Variants in CEP128 observed in about 807,000 individuals in gnomAD.
The protein encoded by CEP128 is centrosomal protein 128kDa.
Under a neutral mutation model 156.7 loss-of-function variants are expected in CEP128, and 132 were observed. That is an observed-to-expected ratio of 0.84 (90% CI 0.73 to 0.97). CEP128 has a LOEUF of 0.97. Among genes scored for constraint, CEP128 ranks in the 50% least tolerant of loss-of-function variants. The probability of loss-of-function intolerance (pLI) is 0.00; values close to 1 mark genes in which losing one functional copy is unlikely to be tolerated. For missense variants in CEP128, 1,252 were observed against 1,281.9 expected (o/e 0.98, Z 0.36); for synonymous variants, 469 against 448.9 (o/e 1.04, Z -0.57).
chr14:80,856,331 C>T (rs1050923296), intron 9 of CEP128, among the ~76,000 whole-genome samples: 9 of 152,086 alleles, frequency 5.9e-5, no homozygotes, highest in African/African-American at 1.9e-4. Flanking sequence ...GGAGAAACTA[C>T]TGACTTAATA....
intron 2 of CEP128, among the ~76,000 whole-genome samples, chr14:80,956,777 G>A (rs976169911): frequency 6.6e-6 from 1 of 152,150 alleles, no homozygotes; most frequent in African/African-American, 2.4e-5. Context: ...AGCTCATGAA[G>A]ACTATTTAAC....
chr14:80,568,864 G>A (rs775045352), intron 20 of CEP128, among the ~76,000 whole-genome samples: 3 of 152,090 alleles, frequency 2.0e-5, no homozygotes, highest in Non-Finnish European at 4.4e-5. Context: ...CATGAAGGCT[G>A]ACTTATCCTA....
intron 20 of CEP128, among the ~76,000 whole-genome samples, chr14:80,568,062 G>C (rs766924766): frequency 2.6e-5 from 4 of 152,150 alleles, no homozygotes; most frequent in Non-Finnish European, 4.4e-5. Flanking sequence ...TTTATGAGCA[G>C]GCTTGTGTCA....
chr14:80,821,448 T>C (rs917145179), intron 13 of CEP128, among the ~76,000 whole-genome samples: 7 of 152,190 alleles, frequency 4.6e-5, no homozygotes, highest in African/African-American at 1.7e-4. Flanking sequence ...GCCACCCTTT[T>C]TTCCATAGCA....
At chr14:80,687,813 C>A (rs933169979) in intron 19 of CEP128, among the ~76,000 whole-genome samples, 1 of 152,034 alleles carries the variant, frequency 6.6e-6, no homozygotes, top group Admixed American at 6.6e-5. Context: ...CACTCATGCA[C>A]GAAAATAAAC....
chr14:80,649,418 G>A (rs1329516853), intron 19 of CEP128, among the ~76,000 whole-genome samples: 4 of 151,996 alleles, frequency 2.6e-5, no homozygotes, highest in Non-Finnish European at 5.9e-5. Context: ...TAATGCAATG[G>A]AGAAAATTGC....
chr14:80,571,232 T>C (rs1175342337), intron 20 of CEP128, among the ~76,000 whole-genome samples: 1 of 152,232 alleles, frequency 6.6e-6, no homozygotes, highest in Admixed American at 6.5e-5. Context: ...TGAGATCATA[T>C]CTGGCCTCTG....
intron 19 of CEP128, among the ~76,000 whole-genome samples, chr14:80,666,952 A>G (rs1291856019): frequency 6.6e-6 from 1 of 152,178 alleles, no homozygotes; most frequent in African/African-American, 2.4e-5. Flanking sequence ...TTTCAAAAAC[A>G]CACCAAGAAT....
intron 9 of CEP128, among the ~76,000 whole-genome samples, chr14:80,860,166 A>C (rs1887445432): frequency 6.6e-6 from 1 of 152,206 alleles, no homozygotes; most frequent in Non-Finnish European, 1.5e-5. Flanking sequence ...ACCTTTCCGG[A>C]ACAGTTTAAG....
chr14:80,670,086 T>C (rs765706544), intron 19 of CEP128, among the ~76,000 whole-genome samples: 6 of 152,096 alleles, frequency 3.9e-5, no homozygotes, highest in Non-Finnish European at 8.8e-5. Flanking sequence ...ACTCACTGAC[T>C]ATCATGAGGA....
At chr14:80,829,017 T>C (rs17111149) in intron 13 of CEP128, among the ~76,000 whole-genome samples, 14,908 of 152,240 alleles carry the variant, frequency 0.098, 1,247 homozygotes, top group East Asian at 0.43. Context: ...TCGAGTAATC[T>C]ATGACCTAAT....
Position 80,856,720 on chromosome 14 carries a change from C to CTTTTTTTTTTTTTT in CEP128, c.762+6023_762+6036dup, listed in dbSNP as rs766724436. On this transcript the variant is annotated intron_variant, in intron 9 of 24. Transcript: ENST00000555265. The stretch of plus-strand genomic sequence containing the variant: ...AGCATTTATCTCATGTTTTTCTTTT[C>CTTTTTTTTTTTTTT]TTTTTTTTTTTTTTTTTTTTTTTTT... Among the ~76,000 whole-genome samples, 103 of 65,192 alleles carry CTTTTTTTTTTTTTT rather than the reference C, an allele frequency of 1.6e-3. 1 individual carries two copies. The highest frequency in any genetic ancestry group is 0.015 in the Middle Eastern group (1 of 66). The allele number at this position is 65,192 out of a possible 152,430, so 42.8% of individuals were successfully genotyped here. A position where few individuals can be genotyped will look rare whatever the true frequency, so the allele number is the denominator to read the frequency against.
At chr14:80,649,888 C>T (rs1010906624) in intron 19 of CEP128, among the ~76,000 whole-genome samples, 2 of 151,960 alleles carry the variant, frequency 1.3e-5, no homozygotes, top group East Asian at 1.9e-4. Context: ...AGGATTGTCT[C>T]GGCTATGTGG....
At chr14:80,601,980 A>T (rs568345780) in intron 19 of CEP128, among the ~76,000 whole-genome samples, 1 of 152,348 alleles carries the variant, frequency 6.6e-6, no homozygotes, top group East Asian at 1.9e-4. Flanking sequence ...TAAGAGAAAT[A>T]GTTTAGATTC....
At chr14:80,722,553 C>A (rs979839225) in intron 19 of CEP128, among the ~76,000 whole-genome samples, 1 of 150,984 alleles carries the variant, frequency 6.6e-6, no homozygotes, top group African/African-American at 2.4e-5. Flanking sequence ...ATAAATGTAA[C>A]ATGTATCATT....
chr14:80,884,313 T>C (rs1459217423), intron 8 of CEP128, among the ~76,000 whole-genome samples: 1 of 151,930 alleles, frequency 6.6e-6, no homozygotes, highest in Non-Finnish European at 1.5e-5. Context: ...GACAGAAAAT[T>C]TTGCAAACTA....
intron 19 of CEP128, among the ~76,000 whole-genome samples, chr14:80,673,490 AAAAAAATTAGC>A (rs1895927709): frequency 6.9e-6 from 1 of 145,524 alleles, no homozygotes; most frequent in Admixed American, 7.0e-5. Context: ...AAAAATACAA[AAAAAAATTAGC>A]CGGGCGTAGT....
intron 19 of CEP128, among the ~76,000 whole-genome samples, chr14:80,716,699 G>T (rs1595273891): frequency 1.3e-5 from 2 of 152,288 alleles, no homozygotes; most frequent in East Asian, 3.9e-4. Flanking sequence ...ACATTTGGCT[G>T]CTATGTACAT....
intron 12 of CEP128, among the ~76,000 whole-genome samples, chr14:80,831,978 T>C (rs1398567310): frequency 6.6e-6 from 1 of 152,196 alleles, no homozygotes; most frequent in Non-Finnish European, 1.5e-5. Context: ...TTCCCACATG[T>C]TGTGGGAGGG....
Sources: allele counts gnomAD v4.1 joint callset (sites outside exome capture counted in the v4.1 genomes callset), GRCh38; gene constraint gnomAD v4.1.1; transcripts MANE v1.5; gene names NCBI Gene and HGNC (gene_info 2026-07-23, HGNC 2026-07-21).